Variants in TFPI observed in about 807,000 individuals in gnomAD.
The protein encoded by TFPI is anti-convertin.
A neutral mutation model predicts 34.6 loss-of-function variants in TFPI; 15 were observed. The ratio of observed to expected loss-of-function variants is 0.43; its 90% confidence interval spans 0.29 to 0.67. The LOEUF (loss-of-function observed/expected upper bound fraction) is 0.67, where lower values mean the gene tolerates loss of function less well. Ranked by LOEUF, TFPI falls within the 30% of genes least tolerant of loss-of-function variation. The pLI, the probability that TFPI is intolerant of heterozygous loss-of-function variation, is 0.15. For missense variants in TFPI, 301 were observed against 364.0 expected (o/e 0.83, Z 1.41); for synonymous variants, 105 against 120.1 (o/e 0.87, Z 0.82).
chr2:187,488,362 C>T lies in TFPI; in HGVS notation c.333G>A (p.Arg111=). The T allele has an allele frequency of 6.4e-7, 1 of 1,564,706 alleles. No homozygotes were observed. The highest frequency in any genetic ancestry group is 8.6e-7 in the Non-Finnish European group (1 of 1,160,250). ...CTTGTTGCAATGTTGTCTTTATAAT[C>T]CTGTTTGCATTATCTGTAATCAAAA... ...KKMCTRDNAN[R]IIKTTLQQEK... Residue 111 remains arginine (R), a synonymous_variant, in exon 4 of 8, where the codon AGG becomes AGA. Coordinates refer to ENST00000233156, the MANE Select transcript of TFPI (RefSeq NM_006287.6).
chr2:187,479,077 G>T (rs766299536), intron 6 of TFPI, among the ~76,000 whole-genome samples: 129 of 152,076 alleles, frequency 8.5e-4, no homozygotes, highest in Non-Finnish European at 1.6e-3. Flanking sequence ...GATTAGGAGG[G>T]TCAGTCAATT....
chr2:187,489,308 T>C (rs377338177), intron 3 of TFPI, among the ~76,000 whole-genome samples: 113 of 151,504 alleles, frequency 7.5e-4, no homozygotes, highest in Admixed American at 1.6e-3. Context: ...AAAATGTCTA[T>C]GAAAGTGAAA....
At chr2:187,532,271 A>T (rs1260382245) in intron 1 of TFPI, among the ~76,000 whole-genome samples, 1 of 152,202 alleles carries the variant, frequency 6.6e-6, no homozygotes, top group African/African-American at 2.4e-5. Context: ...TAATATTGAT[A>T]ACTTTTGAGT....
chr2:187,508,203 G>C (rs1686362071), intron 1 of TFPI, among the ~76,000 whole-genome samples: 1 of 152,120 alleles, frequency 6.6e-6, no homozygotes, highest in African/African-American at 2.4e-5. Context: ...ATGCTGTTTT[G>C]GTTACTGTAG....
chr2:187,510,502 C>T (rs1574462412), intron 1 of TFPI, among the ~76,000 whole-genome samples: 2 of 152,140 alleles, frequency 1.3e-5, no homozygotes, highest in African/African-American at 4.8e-5. Context: ...AGAGAGGAGA[C>T]CACCCCTCAT....
chr2:187,502,933 A>G (rs893404075), intron 2 of TFPI, among the ~76,000 whole-genome samples: 18 of 152,330 alleles, frequency 1.2e-4, no homozygotes, highest in Admixed American at 1.0e-3. Context: ...TTAAACCACT[A>G]TACAAAAATA....
At chr2:187,514,832 C>T (rs937486089) in intron 1 of TFPI, 2 of 152,188 alleles carry the variant, frequency 1.3e-5, no homozygotes, top group South Asian at 2.1e-4. Context: ...AAGGGAATAC[C>T]AGATCAATTT....
chr2:187,469,777 G>A (rs1247763274), intron 6 of TFPI, among the ~76,000 whole-genome samples: 1 of 152,088 alleles, frequency 6.6e-6, no homozygotes, highest in Non-Finnish European at 1.5e-5. Flanking sequence ...TGAATGGTGA[G>A]AATGTGTGCT....
chr2:187,537,757 G>T (rs1188885138), intron 1 of TFPI, among the ~76,000 whole-genome samples: 2 of 152,156 alleles, frequency 1.3e-5, no homozygotes, highest in Non-Finnish European at 2.9e-5. Context: ...TTAAACTAAA[G>T]AGTTTCTGCA....
chr2:187,497,113 C>G, intron 2 of TFPI, 35 bp from the exon 3 acceptor site: 2 of 1,550,628 alleles, frequency 1.3e-6, no homozygotes, highest in South Asian at 1.1e-5. Context: ...AACATGTAAT[C>G]TCCATCAACA....
At chr2:187,544,179 GT>G (rs1197212885) in intron 1 of TFPI, among the ~76,000 whole-genome samples, 3 of 152,076 alleles carry the variant, frequency 2.0e-5, no homozygotes, top group Admixed American at 6.5e-5. Context: ...ACTTAAAAAT[GT>G]TTTTTGATTG....
chr2:187,482,655 G>C (rs1692959422), intron 6 of TFPI, among the ~76,000 whole-genome samples: 1 of 151,766 alleles, frequency 6.6e-6, no homozygotes, highest in South Asian at 2.1e-4. Context: ...ACAATTTAGG[G>C]AATTTATTAA....
chr2:187,544,217 T>G (rs1235039886), intron 1 of TFPI, among the ~76,000 whole-genome samples: 1 of 152,160 alleles, frequency 6.6e-6, no homozygotes, highest in Non-Finnish European at 1.5e-5. Flanking sequence ...TGAGAGGATA[T>G]CAACAATATA....
intron 4 of TFPI, among the ~76,000 whole-genome samples, chr2:187,486,308 T>C (rs911253739): frequency 6.6e-6 from 1 of 151,682 alleles, no homozygotes. Flanking sequence ...TTAGTCTTAA[T>C]GTGTACTTTT....
At chr2:187,467,074 G>T in intron 7 of TFPI, 32 bp from the exon 8 acceptor site, 2 of 1,300,712 alleles carry the variant, frequency 1.5e-6, no homozygotes, top group Non-Finnish European at 2.1e-6. Flanking sequence ...ATTAATGTGT[G>T]ATAAAATAAC....
intron 6 of TFPI, among the ~76,000 whole-genome samples, chr2:187,468,695 A>G (rs1187605185): frequency 2.6e-5 from 4 of 152,090 alleles, no homozygotes; most frequent in Non-Finnish European, 5.9e-5. Context: ...TAAAAGGAGC[A>G]CTCATTTGCC....
At chr2:187,500,285 T>C (rs1300480856) in intron 2 of TFPI, among the ~76,000 whole-genome samples, 1 of 152,328 alleles carries the variant, frequency 6.6e-6, no homozygotes, top group East Asian at 1.9e-4. Flanking sequence ...CCTACTGAGT[T>C]AGGCATTATT....
At chr2:187,501,944 A>C (rs1010244564) in intron 2 of TFPI, among the ~76,000 whole-genome samples, 5 of 152,288 alleles carry the variant, frequency 3.3e-5, no homozygotes, top group South Asian at 2.1e-4. Context: ...GTATTTTTCT[A>C]TTAATAAGAG....
intron 1 of TFPI, among the ~76,000 whole-genome samples, chr2:187,512,829 TG>T (rs1686740304): frequency 6.6e-6 from 1 of 152,144 alleles, no homozygotes; most frequent in Admixed American, 6.5e-5. Flanking sequence ...ATTCTTATCC[TG>T]AAATAAATTA....
Sources: allele counts gnomAD v4.1 joint callset (sites outside exome capture counted in the v4.1 genomes callset), GRCh38; gene constraint gnomAD v4.1.1; transcripts MANE v1.5; gene names NCBI Gene and HGNC (gene_info 2026-07-23, HGNC 2026-07-21).